The following MYL12B variants were observed in gnomAD, a reference collection of about 807,000 sequenced individuals.
MYL12B encodes the protein myosin light chain 12B, also known as myosin regulatory light chain 12B.
In MYL12B, 3 loss-of-function variants were observed where a neutral mutation model predicts 12.9. The ratio of observed to expected loss-of-function variants is 0.23; its 90% confidence interval spans 0.11 to 0.60. The LOEUF (loss-of-function observed/expected upper bound fraction) is 0.60. Among genes scored for constraint, MYL12B ranks in the 20% least tolerant of loss-of-function variants. The pLI is 0.89. For synonymous variants in MYL12B, 57 were observed against 71.9 expected, an observed-to-expected ratio of 0.79 and a Z score of 1.05; for missense variants, 120 against 215.4, an observed-to-expected ratio of 0.56 and a Z score of 2.77.
At chr18:3,277,633 A>G (rs1303349596) in intron 3 of MYL12B, 132 bp from the exon 4 acceptor site, 2 of 1,283,060 alleles carry the variant, frequency 1.6e-6, no homozygotes, top group African/African-American at 1.5e-5. Context: ...ATATAGCCTT[A>G]GTTCACTAAC....
intron 1 of MYL12B, among the ~76,000 whole-genome samples, chr18:3,271,810 G>A (rs1431793649): frequency 6.6e-6 from 1 of 151,724 alleles, no homozygotes; most frequent in Non-Finnish European, 1.5e-5. Flanking sequence ...GAAATGACAA[G>A]TGCCTTTTCT....
chr18:3,275,891 T>C (rs369014382), intron 2 of MYL12B, among the ~76,000 whole-genome samples: 3 of 152,290 alleles, frequency 2.0e-5, no homozygotes, highest in African/African-American at 7.2e-5. Flanking sequence ...CTAATTTTGA[T>C]ATTGGAACAT....
chr18:3,263,153 C>G (rs1284325283), intron 1 of MYL12B: 2 of 152,154 alleles, frequency 1.3e-5, no homozygotes, highest in African/African-American at 4.8e-5. Context: ...GTAGGACCTT[C>G]TTATGGATGT....
intron 2 of MYL12B, chr18:3,276,785 C>G: frequency 2.3e-6 from 1 of 434,622 alleles, no homozygotes; most frequent in Non-Finnish European, 3.1e-6. Flanking sequence ...GCCTGCAATC[C>G]CATCACTTTG....
chr18:3,271,850 A>T (rs1198066379), intron 1 of MYL12B, among the ~76,000 whole-genome samples: 1 of 151,810 alleles, frequency 6.6e-6, no homozygotes, highest in Non-Finnish European at 1.5e-5. Flanking sequence ...GGTGGCTTTC[A>T]GTAGAGTGTT....
intron 2 of MYL12B, among the ~76,000 whole-genome samples, chr18:3,274,899 T>C (rs994270240): frequency 6.6e-6 from 1 of 152,234 alleles, no homozygotes; most frequent in Admixed American, 6.5e-5. Flanking sequence ...AAGGACATTA[T>C]GGAGGTTCCT....
At chr18:3,275,059 A>C (rs1179729134) in intron 2 of MYL12B, among the ~76,000 whole-genome samples, 1 of 152,218 alleles carries the variant, frequency 6.6e-6, no homozygotes, top group Non-Finnish European at 1.5e-5. Flanking sequence ...CATGATTTGA[A>C]AACACCGTAA....
At position 3,277,389 on chromosome 18, in the gene MYL12B, T is replaced by C. The variant is rs757411562; in HGVS notation, c.321T>C (p.Phe107=). ...TDPEDVIRNA[F]ACFDEEATGT... The stretch of plus-strand genomic sequence containing the variant: ...CTGAAGATGTCATCAGAAACGCCTT[T>C]GCTTGCTTTGATGAAGAAGCAACAG... The change falls in exon 3 of 4, where the codon TTT becomes TTC. Residue 107 remains phenylalanine (F), a synonymous_variant. Transcript: ENST00000237500. 4 of 1,614,046 alleles carry C rather than the reference T, an allele frequency of 2.5e-6. No homozygotes were observed. The highest frequency in any genetic ancestry group is 2.2e-5 in the East Asian group (1 of 44,892).
At chr18:3,268,932 A>G (rs1054343870) in intron 1 of MYL12B, among the ~76,000 whole-genome samples, 3 of 152,198 alleles carry the variant, frequency 2.0e-5, no homozygotes, top group Admixed American at 1.3e-4. Flanking sequence ...AATAAATGGT[A>G]GTAGCTGTAA....
chr18:3,277,423 T>G lies in MYL12B; in HGVS notation c.346+9T>G, dbSNP rs1170411439. Reference sequence around the variant, plus strand: ...TGATGAAGAAGCAACAGGTGAGTGCTATTTGTTTATGCCCAGCCTCATTCC... The same window carrying G: ...TGATGAAGAAGCAACAGGTGAGTGCGATTTGTTTATGCCCAGCCTCATTCC... On this transcript the variant is annotated intron_variant, in intron 3 of 3. Coordinates refer to ENST00000237500, the MANE Select transcript of MYL12B (RefSeq NM_033546.4). 1 of 1,613,574 alleles carries G rather than the reference T, an allele frequency of 6.2e-7. No individual in the cohort carries two copies. Among genetic ancestry groups the G allele is most frequent in the East Asian group, 2.2e-5 (1 of 44,858 alleles).
At chr18:3,262,646 T>C (rs961985055) in intron 1 of MYL12B, 3 of 151,982 alleles carry the variant, frequency 2.0e-5, no homozygotes, top group Non-Finnish European at 2.9e-5. Context: ...GTCCTGGCGG[T>C]GGATTGGGGC....
chr18:3,272,056 G>T, intron 1 of MYL12B: 4 of 984,936 alleles, frequency 4.1e-6, no homozygotes, highest in Non-Finnish European at 4.8e-6. Flanking sequence ...GAAAAATGAA[G>T]ACAGTTCAGC....
intron 2 of MYL12B, chr18:3,276,512 C>T: frequency 1.0e-6 from 1 of 985,118 alleles, no homozygotes; most frequent in Non-Finnish European, 1.2e-6. Context: ...AAGAAGACCA[C>T]AGTTCAATGA....
intron 1 of MYL12B, among the ~76,000 whole-genome samples, chr18:3,263,842 A>AGTG (rs2081615666): frequency 6.6e-6 from 1 of 152,176 alleles, no homozygotes; most frequent in Non-Finnish European, 1.5e-5. Context: ...GTTACTGGCT[A>AGTG]GTGGTTCAAG....
intron 1 of MYL12B, among the ~76,000 whole-genome samples, chr18:3,267,426 T>C (rs1395697162): frequency 2.0e-5 from 3 of 152,168 alleles, no homozygotes; most frequent in Non-Finnish European, 4.4e-5. Context: ...ATGATGATGG[T>C]GTCCATGTTT....
chr18:3,269,410 G>A (rs901296924), intron 1 of MYL12B, among the ~76,000 whole-genome samples: 6 of 152,190 alleles, frequency 3.9e-5, no homozygotes, highest in African/African-American at 1.4e-4. Context: ...GCAACTCTGA[G>A]AAATATTTCT....
Position 3,271,321 on chromosome 18 carries a change from G to A in MYL12B, c.-15-1563G>A, listed in dbSNP as rs180706140. Among the ~76,000 whole-genome samples, 9 of 152,274 alleles carry A rather than the reference G, an allele frequency of 5.9e-5. No individual in the cohort carries two copies. In the East Asian group the frequency reaches 1.5e-3, roughly 26 times the overall value. ...TTGTATATGGGGAGGGTAAGGAGTT[G>A]GAATGTTAGAGTAAGGACTGTAAGG... On this transcript the variant is annotated intron_variant, in intron 1 of 3. Coordinates refer to ENST00000237500, the MANE Select transcript of MYL12B (RefSeq NM_033546.4).
At chr18:3,267,122 A>C (rs1313018743) in intron 1 of MYL12B, among the ~76,000 whole-genome samples, 2 of 152,210 alleles carry the variant, frequency 1.3e-5, no homozygotes, top group African/African-American at 4.8e-5. Context: ...GTTTTTGAAA[A>C]TACAGATGCC....
At chr18:3,262,953 C>G (rs1301033210) in intron 1 of MYL12B, 1 of 152,226 alleles carries the variant, frequency 6.6e-6, no homozygotes, top group Non-Finnish European at 1.5e-5. Context: ...GAGTCGTGAC[C>G]TCACTGAAGG....
Sources: gnomAD v4.1 joint callset for allele counts (sites outside exome capture counted in the v4.1 genomes callset) on GRCh38, gnomAD v4.1.1 for gene constraint, MANE v1.5 for transcripts, NCBI Gene and HGNC (gene_info 2026-07-23, HGNC 2026-07-21) for gene names.